The following LRP1B variants were observed in gnomAD, a reference collection of about 807,000 sequenced individuals.
LRP1B encodes the protein LDL receptor related protein 1B.
A neutral mutation model predicts 556.6 loss-of-function variants in LRP1B; 217 were observed. That is an observed-to-expected ratio of 0.39 (90% CI 0.35 to 0.44). The LOEUF is 0.44. Among genes scored for constraint, LRP1B ranks in the 20% least tolerant of loss-of-function variants. The pLI is 1.00. For missense variants in LRP1B, 5,053 were observed against 5,620.8 expected, an observed-to-expected ratio of 0.90 and a Z score of 3.23; for synonymous variants, 2,047 against 1,865.8, an observed-to-expected ratio of 1.10 and a Z score of -2.50.
At chr2:140,835,322 T>C (rs761708273) in intron 31 of LRP1B, among the ~76,000 whole-genome samples, 1 of 152,124 alleles carries the variant, frequency 6.6e-6, no homozygotes, top group Non-Finnish European at 1.5e-5. Context: ...ACGTCTGACA[T>C]TATTACAGAT....
intron 35 of LRP1B, among the ~76,000 whole-genome samples, chr2:140,760,738 T>A (rs765043565): frequency 1.3e-5 from 2 of 151,810 alleles, no homozygotes; most frequent in East Asian, 1.9e-4. Flanking sequence ...ATACAAAAAA[T>A]TAACTGGCGT....
chr2:140,714,293 G>A (rs1048161422), intron 37 of LRP1B, among the ~76,000 whole-genome samples: 3 of 152,088 alleles, frequency 2.0e-5, no homozygotes, highest in African/African-American at 7.2e-5. Context: ...CTCAATAAAC[G>A]TTAATTGAAT....
intron 32 of LRP1B, among the ~76,000 whole-genome samples, chr2:140,784,956 A>G (rs925528626): frequency 1.3e-5 from 2 of 152,182 alleles, no homozygotes; most frequent in Non-Finnish European, 2.9e-5. Flanking sequence ...GAACTGAAGG[A>G]CATCAGTTTT....
intron 20 of LRP1B, among the ~76,000 whole-genome samples, chr2:140,931,415 T>C (rs1695045456): frequency 6.6e-6 from 1 of 152,080 alleles, no homozygotes; most frequent in Non-Finnish European, 1.5e-5. Context: ...ATTATCCTGA[T>C]AAGATATTGG....
intron 1 of LRP1B, among the ~76,000 whole-genome samples, chr2:142,112,808 T>A (rs935576492): frequency 4.6e-4 from 70 of 152,236 alleles, no homozygotes; most frequent in African/African-American, 1.4e-3. Flanking sequence ...ATTGAATATG[T>A]ATGTACACAC....
chr2:142,084,611 G>T (rs1016028592), intron 1 of LRP1B, among the ~76,000 whole-genome samples: 2 of 151,966 alleles, frequency 1.3e-5, no homozygotes, highest in African/African-American at 4.8e-5. Flanking sequence ...TTTTACATCT[G>T]CAATATTCCT....
chr2:141,995,339 A>C (rs1252211014), intron 1 of LRP1B, among the ~76,000 whole-genome samples: 2 of 152,214 alleles, frequency 1.3e-5, no homozygotes, highest in East Asian at 1.9e-4. Context: ...TCCATCTTTG[A>C]CACAAAGAAT....
At chr2:140,570,367 C>G (rs918445881) in intron 43 of LRP1B, among the ~76,000 whole-genome samples, 1 of 151,132 alleles carries the variant, frequency 6.6e-6, no homozygotes, top group Non-Finnish European at 1.5e-5. Context: ...CACAGAAATA[C>G]AAAAGATTAG....
intron 1 of LRP1B, among the ~76,000 whole-genome samples, chr2:141,871,595 G>T (rs769180148): frequency 1.3e-5 from 2 of 151,992 alleles, no homozygotes; most frequent in Non-Finnish European, 2.9e-5. Flanking sequence ...ATAATCTAGT[G>T]AGATGAAACA....
At chr2:141,417,123 G>A (rs1691136955) in intron 3 of LRP1B, among the ~76,000 whole-genome samples, 1 of 152,004 alleles carries the variant, frequency 6.6e-6, no homozygotes, top group East Asian at 1.9e-4. Flanking sequence ...TAAACGTAAG[G>A]AGAAATTCAC....
At position 140,886,204 on chromosome 2, in the gene LRP1B, T is replaced by C; in HGVS notation, c.3898A>G (p.Ser1300Gly). Residue 1300 changes from serine (S) to glycine (G), a missense_variant, in exon 24 of 91, where the codon AGT becomes GGT. Ser to Gly is a moderately conservative substitution (Grantham distance 56). This residue lies in a region of LRP1B where 3,619 missense variants were observed against 3,931.9 expected (regional missense o/e 0.92). Coordinates refer to ENST00000389484, the MANE Select transcript of LRP1B (RefSeq NM_018557.3). ...TIALDFHFNQ[S>G]LLYWTDVVED... is the part of the protein sequence containing the mutation. ...ACAACATCTGTCCAATAAAGTAAACTTTGATTGAAGTGAAAATCAAGTGCT... is the reference window on the plus strand; with the variant it reads ...ACAACATCTGTCCAATAAAGTAAACCTTGATTGAAGTGAAAATCAAGTGCT... The C allele has an allele frequency of 2.5e-6, 4 of 1,611,686 alleles. No individual in the cohort carries two copies. The highest frequency in any genetic ancestry group is 3.4e-6 in the Non-Finnish European group (4 of 1,178,300).
intron 11 of LRP1B, among the ~76,000 whole-genome samples, chr2:141,032,807 G>A (rs1408072195): frequency 2.4e-5 from 2 of 83,576 alleles, no homozygotes; most frequent in Non-Finnish European, 5.2e-5. Context: ...GTATATGTGT[G>A]TGTGTATATA....
At chr2:141,662,829 T>C (rs540287707) in intron 2 of LRP1B, among the ~76,000 whole-genome samples, 47 of 152,228 alleles carry the variant, frequency 3.1e-4, no homozygotes, top group Middle Eastern at 3.4e-3. Context: ...CAAGTGGACC[T>C]AATAGATATA....
chr2:142,023,645 C>T (rs1340924194), intron 1 of LRP1B, among the ~76,000 whole-genome samples: 1 of 152,178 alleles, frequency 6.6e-6, no homozygotes, highest in Non-Finnish European at 1.5e-5. Context: ...GAATCCTTCA[C>T]ATTTTAATAT....
intron 3 of LRP1B, among the ~76,000 whole-genome samples, chr2:141,460,558 G>A (rs1681826738): frequency 6.6e-6 from 1 of 152,094 alleles, no homozygotes; most frequent in Non-Finnish European, 1.5e-5. Context: ...GTAATGCTAT[G>A]TCCTGATATA....
chr2:140,608,903 GT>G, intron 41 of LRP1B, among the ~76,000 whole-genome samples: 1 of 152,160 alleles, frequency 6.6e-6, no homozygotes, highest in East Asian at 1.9e-4. Flanking sequence ...CAACATCAAA[GT>G]TTCAGCCAGG....
chr2:141,291,190 A>G (rs893208029), intron 3 of LRP1B, among the ~76,000 whole-genome samples: 1 of 152,168 alleles, frequency 6.6e-6, no homozygotes, highest in East Asian at 1.9e-4. Flanking sequence ...ATTAAGATGC[A>G]TATTTCAGGA....
rs575504383 is a variant in LRP1B at position 141,248,324 on chromosome 2, CCT to C, written c.464-972_464-971del. ...AAATCAATAAAATATGGTCCCTACCCCTGAGTAAGACGAGTCTAGAGAAATAT... is the reference window on the plus strand; with the variant it reads ...AAATCAATAAAATATGGTCCCTACCCGAGTAAGACGAGTCTAGAGAAATAT... On this transcript the variant is annotated intron_variant, in intron 4 of 90. Transcript: ENST00000389484. 2.3e-4 allele frequency among the ~76,000 whole-genome samples: 35 copies of C among 152,142 alleles called. No homozygotes were observed. In the East Asian group the frequency reaches 6.8e-3, roughly 29 times the overall value.
At chr2:140,742,914 C>T (rs1281250467) in intron 35 of LRP1B, among the ~76,000 whole-genome samples, 1 of 152,068 alleles carries the variant, frequency 6.6e-6, no homozygotes, top group Non-Finnish European at 1.5e-5. Flanking sequence ...CATTGTGACT[C>T]ATAATTGTAT....
Sources: allele counts gnomAD v4.1 joint callset (sites outside exome capture counted in the v4.1 genomes callset), GRCh38; gene constraint gnomAD v4.1.1; regional missense constraint gnomAD v4.1.1; transcripts MANE v1.5; gene names NCBI Gene and HGNC (gene_info 2026-07-23, HGNC 2026-07-21).